SPATA2: variants seen among roughly 807,000 people sequenced by gnomAD.
SPATA2 encodes the protein spermatogenesis associated 2.
In SPATA2, 8 loss-of-function variants were observed where a neutral mutation model predicts 35.4. The ratio of observed to expected loss-of-function variants is 0.23; its 90% CI spans 0.13 to 0.41. SPATA2 has a LOEUF of 0.41. Among genes scored for constraint, SPATA2 ranks in the 10% least tolerant of loss-of-function variants. The probability of loss-of-function intolerance (pLI) is 1.00; values close to 1 mark genes in which losing one functional copy is unlikely to be tolerated. For missense variants in SPATA2, 650 were observed against 698.7 expected (o/e 0.93, Z 0.79); for synonymous variants, 293 against 300.9 (o/e 0.97, Z 0.27).
Position 49,905,912 on chromosome 20 carries a change from C to T in SPATA2, c.1270G>A (p.Ala424Thr), listed in dbSNP as rs763608370. The change falls in exon 3 of 3, where the codon GCC becomes ACC. Residue 424 changes from alanine (A) to threonine (T), a missense_variant. Ala to Thr is a moderately conservative substitution (Grantham distance 58). Coordinates refer to ENST00000289431, the MANE Select transcript of SPATA2 (RefSeq NM_006038.4). ...TTCTCCCGCAGAGATGCCCCGTGGG[C>T]CAGGCTGTCATGAGTCGAGGCCTTG... ...PSKASTHDSL[A>T]HGASLREKYP... is the part of the protein sequence containing the mutation. 16 of 1,612,186 alleles carry T rather than the reference C, an allele frequency of 9.9e-6. No individual in the cohort carries two copies. The highest frequency in any genetic ancestry group is 1.4e-5 in the Non-Finnish European group (16 of 1,180,004).
At chr20:49,915,010 G>A (rs2090201549) in intron 1 of SPATA2, among the ~76,000 whole-genome samples, 2 of 152,214 alleles carry the variant, frequency 1.3e-5, no homozygotes, top group Admixed American at 1.3e-4. Context: ...CTTATCCAAG[G>A]TCACACAGTG....
Position 49,906,749 on chromosome 20 carries a change from C to T in SPATA2, c.433G>A (p.Gly145Ser). Reference sequence around the variant, plus strand: ...AGCTCTCTGAGCTTGTATGCAGTGCCCAGCTCAGGTGTGTAGCCCATGCAG... The same window carrying T: ...AGCTCTCTGAGCTTGTATGCAGTGCTCAGCTCAGGTGTGTAGCCCATGCAG... ...LSCMGYTPEL[G>S]TAYKLRELVE... Residue 145 changes from glycine to serine, a missense_variant, in exon 3 of 3, where the codon GGC becomes AGC. By Grantham distance (56) the Gly-to-Ser change is moderately conservative. Transcript: ENST00000289431. The surrounding 1 kb of genome is among the most constrained non-coding windows in gnomAD (Gnocchi z 8.2). 1 of 1,614,194 alleles carries T rather than the reference C, an allele frequency of 6.2e-7. No individual in the cohort carries two copies. Among genetic ancestry groups the T allele is most frequent in the Non-Finnish European group, 8.5e-7 (1 of 1,180,036 alleles).
chr20:49,905,339 C>T lies in SPATA2; in HGVS notation c.*280G>A. 8.9e-6 allele frequency: 4 copies of T among 447,686 alleles called. No individual in the cohort carries two copies. The South Asian group carries it at 1.4e-4, about 15-fold the overall frequency. The allele number at this position is 447,686 out of a possible 1,614,324, so 27.7% of individuals were successfully genotyped here. On this transcript the variant is annotated 3_prime_UTR_variant, in exon 3 of 3. Transcript: ENST00000289431. ...CAACAAAACAAAACAAAACAAAACCCCAAAAAAAGAACCAACTGAACAGGG... is the reference window on the plus strand; with the variant it reads ...CAACAAAACAAAACAAAACAAAACCTCAAAAAAAGAACCAACTGAACAGGG...
Position 49,915,489 on chromosome 20 carries a change from T to TA in SPATA2, c.-213dup, listed in dbSNP as rs1273098266. On this transcript the variant is annotated 5_prime_UTR_variant, in exon 1 of 3. Coordinates refer to ENST00000289431, the MANE Select transcript of SPATA2 (RefSeq NM_006038.4). ...TAGCCTCTCCGGCCGGCTGCAGGGG[T>TA]ACTGAGACCAGTACCCGGGGGCCAG... is the stretch of plus-strand genomic sequence containing the variant. 6.6e-6 allele frequency: 1 copy of TA among 151,918 alleles called. No homozygotes were observed. Among genetic ancestry groups the TA allele is most frequent in the Non-Finnish European group, 1.5e-5 (1 of 68,004 alleles). The allele number at this position is 151,918 out of a possible 1,614,324, so 9.4% of individuals were successfully genotyped here.
At chr20:49,912,113 T>A (rs1791007503) in intron 1 of SPATA2, among the ~76,000 whole-genome samples, 2 of 152,116 alleles carry the variant, frequency 1.3e-5, no homozygotes, top group African/African-American at 4.8e-5. Flanking sequence ...TTCATACTGT[T>A]CTGTCCATAA....
chr20:49,905,816 G>C lies in SPATA2; in HGVS notation c.1366C>G (p.Pro456Ala). The change falls in exon 3 of 3, where the codon CCC (proline) becomes GCC (alanine). Residue 456 changes from proline to alanine, a missense_variant. Physicochemically the swap from Pro to Ala is conservative, Grantham distance 27. Transcript: ENST00000289431. ...TTGCAGAAGCCACAGCGGGAAGTGG[G>C]CGTGGTGGAGGGCTTGGATTTGGAG... is the stretch of plus-strand genomic sequence containing the variant. The part of the protein sequence containing the change: ...LHSKSKPSTT[P>A]TSRCGFCNRP... 9 of 1,614,210 alleles carry C rather than the reference G, an allele frequency of 5.6e-6. No individual in the cohort carries two copies. The highest frequency in any genetic ancestry group is 1.3e-5 in the African/African-American group (1 of 75,074).
chr20:49,908,622 T>C, intron 1 of SPATA2, 30 bp from the exon 2 acceptor site: 2 of 753,544 alleles, frequency 2.7e-6, no homozygotes, highest in Admixed American at 2.9e-5. Context: ...AAGCATGTCA[T>C]TCCTCGATAC....
rs201922687 is a variant in SPATA2 at position 49,906,524 on chromosome 20, G to T, written c.658C>A (p.His220Asn). The T allele has an allele frequency of 6.2e-7, 1 of 1,612,322 alleles. No individual in the cohort carries two copies. Among genetic ancestry groups the T allele is most frequent in the East Asian group, 2.2e-5 (1 of 44,876 alleles). The change falls in exon 3 of 3, where the codon CAC (histidine) becomes AAC (asparagine). Residue 220 changes from histidine to asparagine, a missense_variant. Physicochemically the swap from His to Asn is moderately conservative, Grantham distance 68. Coordinates refer to ENST00000289431, the MANE Select transcript of SPATA2 (RefSeq NM_006038.4). The surrounding 1 kb of genome is among the most constrained non-coding windows in gnomAD (Gnocchi z 8.2). ...ACTCGTGACATGGAGGCCGTCAGGT[G>T]CTCCCGGCCCTCTGCCCGCCGCCGC... ...ALRRRAEGRE[H>N]LTASMSRVAL...
intron 2 of SPATA2, among the ~76,000 whole-genome samples, chr20:49,907,346 A>G (rs766532716): frequency 9.9e-5 from 15 of 152,204 alleles, no homozygotes; most frequent in Non-Finnish European, 2.2e-4. Context: ...GGTGTGAGCC[A>G]CCGCGCCTGG....
Position 49,906,619 on chromosome 20 carries a change from T to A in SPATA2, c.563A>T (p.Tyr188Phe), listed in dbSNP as rs757398899. ...EIHSQVKDKG[Y>F]SELDIVSERK... Reference sequence around the variant, plus strand: ...CTCGCTCACAATGTCCAGCTCGGAGTAGCCCTTGTCCTTCACTTGTGAGTG... The same window carrying A: ...CTCGCTCACAATGTCCAGCTCGGAGAAGCCCTTGTCCTTCACTTGTGAGTG... Residue 188 changes from tyrosine to phenylalanine, a missense_variant, in exon 3 of 3, where the codon TAC becomes TTC. Tyr to Phe is a conservative substitution (Grantham distance 22). Coordinates refer to ENST00000289431, the MANE Select transcript of SPATA2 (RefSeq NM_006038.4). This position sits in a 1 kb window ranked among gnomAD's most constrained non-coding sequence, Gnocchi z 8.2. 6.2e-7 allele frequency: 1 copy of A among 1,614,146 alleles called. No individual in the cohort carries two copies. Among genetic ancestry groups the A allele is most frequent in the Non-Finnish European group, 8.5e-7 (1 of 1,180,028 alleles).
Position 49,905,072 on chromosome 20 carries a change from TGG to T in SPATA2, c.*545_*546del, listed in dbSNP as rs1285788192. ...CTGGAGAGGTGGGGAAGCCAGGGGG[TGG>T]GGAGTCCAGCTGGGGATCCTTGTGT... On this transcript the variant is annotated 3_prime_UTR_variant, in exon 3 of 3. Coordinates refer to ENST00000289431, the MANE Select transcript of SPATA2 (RefSeq NM_006038.4). The T allele has an allele frequency of 6.5e-6, 1 of 154,906 alleles. No homozygotes were observed. Among genetic ancestry groups the T allele is most frequent in the Non-Finnish European group, 1.4e-5 (1 of 69,882 alleles). The allele number at this position is 154,906 out of a possible 1,614,324, so 9.6% of individuals were successfully genotyped here.
chr20:49,913,084 G>C (rs1005808050), intron 1 of SPATA2, among the ~76,000 whole-genome samples: 5 of 152,122 alleles, frequency 3.3e-5, no homozygotes, highest in African/African-American at 9.7e-5. Flanking sequence ...ACTCCGGCCT[G>C]GGTGACAGAG....
In SPATA2 at chr20:49,909,517, G is replaced by C. The variant is rs964224398; in HGVS notation, c.-102-925C>G. ...GTCCAGGAGCTCGAGACCAGCCTGG[G>C]AAACACGGTGAAACCACGTCTCTAC... On this transcript the variant is annotated intron_variant, in intron 1 of 2. Coordinates refer to ENST00000289431, the MANE Select transcript of SPATA2 (RefSeq NM_006038.4). Among the ~76,000 whole-genome samples, 18 of 149,060 alleles carry C rather than the reference G, an allele frequency of 1.2e-4. No individual in the cohort carries two copies. In the Admixed American group the frequency reaches 1.2e-3, roughly 10 times the overall value.
rs749597106 is a variant in SPATA2 at position 49,908,267 on chromosome 20, C to T, written c.224G>A (p.Arg75His). 6 of 1,614,160 alleles carry T rather than the reference C, an allele frequency of 3.7e-6. No individual in the cohort carries two copies. Among genetic ancestry groups the T allele is most frequent in the East Asian group, 2.2e-5 (1 of 44,886 alleles). Reference sequence around the variant, plus strand: ...CCGCAGGCTAGAGGAGCTGAGCGAGCGCAAGGAGCTCTCCACCACCTCATA... The same window carrying T: ...CCGCAGGCTAGAGGAGCTGAGCGAGTGCAAGGAGCTCTCCACCACCTCATA... ...QFYEVVESSL[R>H]SLSSSSLRAL... The change falls in exon 2 of 3, where the codon CGC becomes CAC. Residue 75 changes from arginine to histidine, a missense_variant. Arg to His is a conservative substitution (Grantham distance 29). Coordinates refer to ENST00000289431, the MANE Select transcript of SPATA2 (RefSeq NM_006038.4).
In SPATA2 at chr20:49,905,895, C is replaced by T. The variant is rs1000972951; in HGVS notation, c.1287G>A (p.Leu429=). ...THDSLAHGAS[L]REKYPGQTQG... ...GAGTCTGGCCTGGGTACTTCTCCCG[C>T]AGAGATGCCCCGTGGGCCAGGCTGT... is the stretch of plus-strand genomic sequence containing the variant. The change falls in exon 3 of 3, where the codon CTG becomes CTA. Residue 429 remains leucine, a synonymous_variant. Coordinates refer to ENST00000289431, the MANE Select transcript of SPATA2 (RefSeq NM_006038.4). The T allele has an allele frequency of 1.2e-6, 2 of 1,612,688 alleles. No individual in the cohort carries two copies. The highest frequency in any genetic ancestry group is 1.3e-5 in the African/African-American group (1 of 74,904).
chr20:49,905,908 TG>T lies in SPATA2; in HGVS notation c.1273del (p.His425ThrfsTer83). The T allele has an allele frequency of 6.2e-7, 1 of 1,612,324 alleles. No individual in the cohort carries two copies. Among genetic ancestry groups the T allele is most frequent in the Non-Finnish European group, 8.5e-7 (1 of 1,179,990 alleles). ...SKASTHDSLA[H>X]GASLREKYPG... The stretch of plus-strand genomic sequence containing the variant: ...GTACTTCTCCCGCAGAGATGCCCCG[TG>T]GGCCAGGCTGTCATGAGTCGAGGCC... On this transcript the variant is annotated frameshift_variant, in exon 3 of 3. Coordinates refer to ENST00000289431, the MANE Select transcript of SPATA2 (RefSeq NM_006038.4). LOFTEE classifies it high-confidence loss of function.
Position 49,908,516 on chromosome 20 carries a change from C to A in SPATA2, c.-26G>T. 6.5e-7 allele frequency: 1 copy of A among 1,545,626 alleles called. No individual in the cohort carries two copies. ...CCGATCGAGGGGGGCTACCTTATCT[C>A]CTCCATGGCTTCTGGATTAGAGGCA... On this transcript the variant is annotated 5_prime_UTR_variant, in exon 2 of 3. An upstream open reading frame in the 5' UTR gains an earlier in-frame stop. Transcript: ENST00000289431.
rs1317269360 is a variant in SPATA2 at position 49,903,920 on chromosome 20, T to C, written c.*1699A>G. 608 of 37,584 alleles carry C rather than the reference T, an allele frequency of 0.016. 18 individuals are homozygous for C. The highest frequency in any genetic ancestry group is 0.039 in the African/African-American group (580 of 14,704). The allele number at this position is 37,584 out of a possible 1,614,324, so 2.3% of individuals were successfully genotyped here. ...CCAGATAGATATATATATATATATATATATATATATATATATATATATATA... is the reference window on the plus strand; with the variant it reads ...CCAGATAGATATATATATATATATACATATATATATATATATATATATATA... On this transcript the variant is annotated 3_prime_UTR_variant, in exon 3 of 3. Transcript: ENST00000289431.
rs150818492 is a variant in SPATA2, at chr20:49,908,497, G to C, written c.-7C>G. Reference sequence around the variant, plus strand: ...TTGAACTGGGCTTCCCCATCCGATCGAGGGGGGCTACCTTATCTCCTCCAT... The same window carrying C: ...TTGAACTGGGCTTCCCCATCCGATCCAGGGGGGCTACCTTATCTCCTCCAT... On this transcript the variant is annotated 5_prime_UTR_variant, in exon 2 of 3. Transcript: ENST00000289431. 7.1e-5 allele frequency: 112 copies of C among 1,577,234 alleles called. No individual in the cohort carries two copies. The highest frequency in any genetic ancestry group is 3.4e-4 in the Middle Eastern group (2 of 5,906).
Sources: allele counts gnomAD v4.1 joint callset (sites outside exome capture counted in the v4.1 genomes callset), GRCh38; gene constraint gnomAD v4.1.1; non-coding constraint Gnocchi (gnomAD v3.1); transcripts MANE v1.5; gene names NCBI Gene and HGNC (gene_info 2026-07-23, HGNC 2026-07-21).